The following ABLIM3 variants were observed in gnomAD, a reference collection of about 807,000 sequenced individuals.
ABLIM3 encodes actin-binding LIM protein 3.
ABLIM3 carries 61 observed loss-of-function variants against 109.5 expected under a neutral mutation model. The ratio of observed to expected loss-of-function variants is 0.56; its 90% CI spans 0.45 to 0.69. The LOEUF is 0.69. Ranked by LOEUF, ABLIM3 falls within the 30% of genes least tolerant of loss-of-function variation. The pLI is 0.00. For synonymous variants in ABLIM3, 300 were observed against 324.8 expected, an observed-to-expected ratio of 0.92 and a Z score of 0.82; for missense variants, 796 against 889.5, an observed-to-expected ratio of 0.89 and a Z score of 1.34.
At chr5:149,184,534 C>T (rs547403976) in intron 3 of ABLIM3, among the ~76,000 whole-genome samples, 3 of 152,288 alleles carry the variant, frequency 2.0e-5, no homozygotes, top group Admixed American at 6.5e-5. Context: ...ATGATTCCAA[C>T]AGTGTCATTG....
In ABLIM3 at chr5:149,190,617, T is replaced by C. The variant is rs549610448; in HGVS notation, c.151+7028T>C. On this transcript the variant is annotated intron_variant, in intron 3 of 23. Transcript: ENST00000309868. The stretch of plus-strand genomic sequence containing the variant: ...ATCATTTGAGCCCAGGAGGCGGAGG[T>C]TGCAGTGAGTTGTTATCACGCCACT... Among the ~76,000 whole-genome samples, 205 of 152,122 alleles carry C rather than the reference T, an allele frequency of 1.3e-3. 1 individual carries two copies. Among genetic ancestry groups the C allele is most frequent in the African/African-American group, 4.8e-3 (198 of 41,502 alleles).
chr5:149,143,589 T>G (rs562701554), intron 2 of ABLIM3, among the ~76,000 whole-genome samples: 28 of 151,516 alleles, frequency 1.8e-4, no homozygotes, highest in Non-Finnish European at 3.8e-4. Flanking sequence ...TAAAATATAT[T>G]TATTTACTAC....
At chr5:149,251,544 C>T (rs145306835) in intron 21 of ABLIM3, 125 bp downstream of exon 21, 157 of 1,108,606 alleles carry the variant, frequency 1.4e-4, no homozygotes, top group Non-Finnish European at 2.0e-4. Flanking sequence ...GTGTCCAACC[C>T]TGAGTTCTTA....
rs574271414 is a variant in ABLIM3 at position 149,252,694 on chromosome 5, T to A, written c.1858-63T>A. On this transcript the variant is annotated intron_variant, in intron 22 of 23. Coordinates refer to ENST00000309868, the MANE Select transcript of ABLIM3 (RefSeq NM_014945.5). ...GAACAGAGAGCCCAGACACAAAATG[T>A]ACCTGAAAGGAACAAGCCCACCACC... The A allele has an allele frequency of 3.2e-6, 4 of 1,243,898 alleles. No individual in the cohort carries two copies. The African/African-American group carries it at 4.5e-5, about 14-fold the overall frequency. The allele number at this position is 1,243,898 out of a possible 1,614,324, so 77.1% of individuals were successfully genotyped here.
chr5:149,256,912 T>G (rs1412623373), intron 23 of ABLIM3, among the ~76,000 whole-genome samples: 1 of 152,242 alleles, frequency 6.6e-6, no homozygotes, highest in Non-Finnish European at 1.5e-5. Context: ...TGTAATGCAT[T>G]TTGCCTGGAC....
At chr5:149,202,495 A>G (rs759375933) in intron 5 of ABLIM3, among the ~76,000 whole-genome samples, 9 of 152,228 alleles carry the variant, frequency 5.9e-5, no homozygotes, top group Non-Finnish European at 1.2e-4. Context: ...AATGCAAAGT[A>G]GCTCCTGACT....
At chr5:149,222,771 G>A (rs1760793125) in intron 8 of ABLIM3, among the ~76,000 whole-genome samples, 3 of 150,450 alleles carry the variant, frequency 2.0e-5, no homozygotes, top group African/African-American at 7.4e-5. Flanking sequence ...GCACTAAGCT[G>A]AGAGATGTTC....
At chr5:149,251,268 G>A (rs1581247175) in intron 20 of ABLIM3, 91 bp from the exon 21 acceptor site, 4 of 1,446,868 alleles carry the variant, frequency 2.8e-6, no homozygotes, top group African/African-American at 2.8e-5. Context: ...TGTCCCACAA[G>A]CGCCAGTCCA....
At chr5:149,200,111 A>T (rs1355858845) in intron 4 of ABLIM3, among the ~76,000 whole-genome samples, 1 of 152,198 alleles carries the variant, frequency 6.6e-6, no homozygotes, top group African/African-American at 2.4e-5. Context: ...AAATATACAA[A>T]CAGCCTAACT....
At chr5:149,175,897 A>G (rs951209237) in intron 2 of ABLIM3, among the ~76,000 whole-genome samples, 2 of 152,216 alleles carry the variant, frequency 1.3e-5, no homozygotes, top group African/African-American at 4.8e-5. Flanking sequence ...TGAAGAAGGC[A>G]GCACGAGCCG....
chr5:149,206,744 G>T (rs1259259477), intron 5 of ABLIM3, among the ~76,000 whole-genome samples: 1 of 152,092 alleles, frequency 6.6e-6, no homozygotes, highest in Non-Finnish European at 1.5e-5. Flanking sequence ...GCAGTGCAGG[G>T]TCCACTTTCA....
At chr5:149,244,687 C>A in intron 15 of ABLIM3, 194 bp from the exon 16 acceptor site, 1 of 651,984 alleles carries the variant, frequency 1.5e-6, no homozygotes, top group Non-Finnish European at 2.6e-6. Context: ...GCTCCAATTA[C>A]TAAATGCAAA....
At chr5:149,169,451 G>C (rs1198493199) in intron 2 of ABLIM3, among the ~76,000 whole-genome samples, 1 of 151,932 alleles carries the variant, frequency 6.6e-6, no homozygotes, top group Non-Finnish European at 1.5e-5. Flanking sequence ...CCCACACCAG[G>C]GGACCTCCCT....
intron 14 of ABLIM3, among the ~76,000 whole-genome samples, chr5:149,241,188 T>C (rs1026622473): frequency 1.3e-5 from 2 of 152,216 alleles, no homozygotes; most frequent in African/African-American, 4.8e-5. Flanking sequence ...CAAGCCACTG[T>C]TATTCCTTCT....
chr5:149,142,223 G>C (rs1752531685), intron 2 of ABLIM3, 115 bp downstream of exon 2: 1 of 1,467,504 alleles, frequency 6.8e-7, no homozygotes, highest in Non-Finnish European at 9.5e-7. Context: ...CTGGACACAT[G>C]ACCCCCAGGC....
chr5:149,193,822 C>A (rs1429391683), intron 3 of ABLIM3, among the ~76,000 whole-genome samples: 1 of 152,098 alleles, frequency 6.6e-6, no homozygotes, highest in African/African-American at 2.4e-5. Flanking sequence ...TTGCTTTTTG[C>A]AGATCAGTGG....
At chr5:149,234,439 G>T (rs992704477) in intron 10 of ABLIM3, among the ~76,000 whole-genome samples, 3 of 152,160 alleles carry the variant, frequency 2.0e-5, no homozygotes, top group Non-Finnish European at 4.4e-5. Context: ...AAACCAGCCA[G>T]CCCTGGCCCT....
At chr5:149,241,853 G>C (rs1031728880) in intron 14 of ABLIM3, among the ~76,000 whole-genome samples, 1 of 152,310 alleles carries the variant, frequency 6.6e-6, no homozygotes, top group East Asian at 1.9e-4. Context: ...GTGACCGCAG[G>C]TCATGACAGG....
At chr5:149,227,339 T>C (rs1342756428) in intron 8 of ABLIM3, among the ~76,000 whole-genome samples, 6 of 152,110 alleles carry the variant, frequency 3.9e-5, no homozygotes, top group Non-Finnish European at 7.4e-5. Context: ...ATAACCTTCA[T>C]AGTAGGTTTT....
Sources: allele counts gnomAD v4.1 joint callset (sites outside exome capture counted in the v4.1 genomes callset), GRCh38; gene constraint gnomAD v4.1.1; transcripts MANE v1.5; gene names NCBI Gene and HGNC (gene_info 2026-07-23, HGNC 2026-07-21).